The following CDH2 variants were observed in gnomAD, a reference collection of about 807,000 sequenced individuals.
CDH2 encodes the protein cadherin 2.
CDH2 carries 17 observed loss-of-function variants against 92.0 expected under a neutral mutation model. The ratio of observed to expected loss-of-function variants is 0.18; its 90% CI spans 0.13 to 0.28. The LOEUF is 0.28. Ranked by LOEUF, CDH2 falls within the 10% of genes least tolerant of loss-of-function variation. The pLI is 1.00. For missense variants in CDH2, 862 were observed against 1,133.1 expected (o/e 0.76, Z 3.44); for synonymous variants, 419 against 415.9 (o/e 1.01, Z -0.09).
intron 2 of CDH2, among the ~76,000 whole-genome samples, chr18:28,042,281 A>T (rs1169405620): frequency 6.6e-6 from 1 of 152,196 alleles, no homozygotes; most frequent in Non-Finnish European, 1.5e-5. Context: ...TAGGGAAATA[A>T]CGTTTTATTA....
intron 2 of CDH2, among the ~76,000 whole-genome samples, chr18:28,034,221 C>T (rs2013769958): frequency 6.6e-6 from 1 of 151,970 alleles, no homozygotes; most frequent in Admixed American, 6.6e-5. Flanking sequence ...GACTACTCTG[C>T]TAATATCTCA....
rs149226563 is a variant in CDH2 at position 28,162,503 on chromosome 18, G to A, written c.60+14460C>T. On this transcript the variant is annotated intron_variant, in intron 1 of 15. Transcript: ENST00000269141. ...ACCACCAAGAAGCTGCATGGCCAGC[G>A]GCAGAAACTGCCTGCTTCTTTGGTA... Among the ~76,000 whole-genome samples, 545 of 151,722 alleles carry A rather than the reference G, an allele frequency of 3.6e-3. 2 individuals carry two copies. Among genetic ancestry groups the A allele is most frequent in the Non-Finnish European group, 5.3e-3 (360 of 67,886 alleles).
downstream of CDH2, among the ~76,000 whole-genome samples, chr18:27,946,340 A>G (rs1274180410): frequency 1.3e-5 from 2 of 152,112 alleles, no homozygotes; most frequent in Non-Finnish European, 2.9e-5. Context: ...AAAAAAGTAA[A>G]AAAGAAAAAA....
At chr18:27,933,336 A>AAATC (rs1335654290) in intron 6 of CDH2, among the ~76,000 whole-genome samples, 3 of 152,198 alleles carry the variant, frequency 2.0e-5, no homozygotes, top group Non-Finnish European at 2.9e-5. Flanking sequence ...ATATTCAGCA[A>AAATC]AATCATATAC....
downstream of CDH2, among the ~76,000 whole-genome samples, chr18:27,948,253 A>G (rs921336390): frequency 1.4e-5 from 2 of 147,058 alleles, no homozygotes; most frequent in Non-Finnish European, 1.5e-5. Context: ...TGTATGTGAT[A>G]TAAGTGTGTA....
chr18:28,061,327 T>C (rs895543559), intron 2 of CDH2, among the ~76,000 whole-genome samples: 3 of 152,182 alleles, frequency 2.0e-5, no homozygotes, highest in African/African-American at 7.2e-5. Flanking sequence ...TGTACTTCCC[T>C]CTTCTGTGCT....
chr18:27,979,130 A>T (rs1252950383), intron 14 of CDH2, among the ~76,000 whole-genome samples: 1 of 152,236 alleles, frequency 6.6e-6, no homozygotes, highest in Non-Finnish European at 1.5e-5. Flanking sequence ...AGGAACACAT[A>T]TCTATAATCT....
At chr18:27,970,687 A>G (rs545908514) in intron 14 of CDH2, among the ~76,000 whole-genome samples, 1 of 152,322 alleles carries the variant, frequency 6.6e-6, no homozygotes, top group South Asian at 2.1e-4. Flanking sequence ...TTAGACAAAA[A>G]AGCCAATGAG....
At chr18:27,964,501 G>C (rs1598992920) in intron 14 of CDH2, among the ~76,000 whole-genome samples, 1 of 152,190 alleles carries the variant, frequency 6.6e-6, no homozygotes, top group Non-Finnish European at 1.5e-5. Context: ...ATTCAAAACT[G>C]ACATTTGCAG....
intron 2 of CDH2, among the ~76,000 whole-genome samples, chr18:28,100,633 C>T (rs2015211990): frequency 6.6e-6 from 1 of 151,764 alleles, no homozygotes; most frequent in Admixed American, 6.6e-5. Context: ...TGAGTTTCTC[C>T]AAACCTGGTG....
At chr18:27,938,786 G>A (rs1311917324) in intron 6 of CDH2, among the ~76,000 whole-genome samples, 3 of 152,102 alleles carry the variant, frequency 2.0e-5, no homozygotes, top group Non-Finnish European at 4.4e-5. Flanking sequence ...TTCTGTGTGT[G>A]TAATCTAGCA....
At chr18:28,078,175 T>A (rs2144184088) in intron 2 of CDH2, among the ~76,000 whole-genome samples, 1 of 152,198 alleles carries the variant, frequency 6.6e-6, no homozygotes, top group East Asian at 1.9e-4. Flanking sequence ...AGTTAAAATT[T>A]TAGAGTATGC....
intron 7 of CDH2, among the ~76,000 whole-genome samples, chr18:27,999,504 G>T (rs1162013374): frequency 1.3e-5 from 2 of 152,074 alleles, no homozygotes; most frequent in East Asian, 3.9e-4. Context: ...AAAACAGGAA[G>T]TATTTCTTTC....
intron 2 of CDH2, among the ~76,000 whole-genome samples, chr18:28,045,984 T>A (rs2014067025): frequency 6.6e-6 from 1 of 152,250 alleles, no homozygotes; most frequent in Non-Finnish European, 1.5e-5. Context: ...TAACTGTTCA[T>A]CTTTATGATT....
intron 14 of CDH2, among the ~76,000 whole-genome samples, chr18:27,974,069 T>G (rs1484355370): frequency 6.6e-6 from 1 of 152,238 alleles, no homozygotes; most frequent in African/African-American, 2.4e-5. Flanking sequence ...CTATTTTAAC[T>G]AATACCTTTG....
chr18:28,003,293 T>G (rs2012823930), intron 6 of CDH2, 124 bp from the exon 7 acceptor site: 1 of 667,098 alleles, frequency 1.5e-6, no homozygotes, highest in Admixed American at 3.2e-5. Context: ...TTTAAAGTCA[T>G]TTAGACTTGA....
At chr18:28,175,629 C>G (rs919687393) in intron 1 of CDH2, among the ~76,000 whole-genome samples, 9 of 152,164 alleles carry the variant, frequency 5.9e-5, no homozygotes, top group Admixed American at 3.3e-4. Flanking sequence ...GCACTCACCC[C>G]CCGGCGGGCC....
intron 2 of CDH2, among the ~76,000 whole-genome samples, chr18:28,095,541 G>A (rs2015116629): frequency 6.6e-6 from 1 of 152,100 alleles, no homozygotes; most frequent in Non-Finnish European, 1.5e-5. Flanking sequence ...TTACAGGCTG[G>A]GTGTGGTGGC....
At chr18:27,991,249 A>G (rs1599015884) in intron 9 of CDH2, among the ~76,000 whole-genome samples, 1 of 152,130 alleles carries the variant, frequency 6.6e-6, no homozygotes, top group East Asian at 1.9e-4. Flanking sequence ...GAGCATTAAG[A>G]TCTCTTAGGC....
Sources: allele counts gnomAD v4.1 joint callset (sites outside exome capture counted in the v4.1 genomes callset), GRCh38; gene constraint gnomAD v4.1.1; transcripts MANE v1.5; gene names NCBI Gene and HGNC (gene_info 2026-07-23, HGNC 2026-07-21).